The following OSBPL5 variants were observed in gnomAD, a reference collection of about 807,000 sequenced individuals.
OSBPL5 encodes the protein oxysterol binding protein like 5, also known as oxysterol-binding protein-related protein 5.
OSBPL5 carries 71 observed loss-of-function variants against 111.2 expected under a neutral mutation model. The ratio of observed to expected loss-of-function variants is 0.64; its 90% CI spans 0.53 to 0.78. The LOEUF (loss-of-function observed/expected upper bound fraction) is 0.78, where lower values mean the gene tolerates loss of function less well. Ranked by LOEUF, OSBPL5 falls within the 30% of genes least tolerant of loss-of-function variation. OSBPL5 has a pLI of 0.00. For missense variants in OSBPL5, 1,210 were observed against 1,189.3 expected, an observed-to-expected ratio of 1.02 and a Z score of -0.26; for synonymous variants, 549 against 513.9, an observed-to-expected ratio of 1.07 and a Z score of -0.93.
chr11:3,089,742 C>A (rs1856992415), intron 21 of OSBPL5, 104 bp downstream of exon 21: 2 of 1,068,070 alleles, frequency 1.9e-6, no homozygotes, highest in Non-Finnish European at 2.8e-6. Flanking sequence ...CCGATGACAA[C>A]CCCAGCCGCG....
chr11:3,120,055 G>A (rs1055003252), intron 6 of OSBPL5: 11 of 436,046 alleles, frequency 2.5e-5, no homozygotes, highest in African/African-American at 2.2e-4. Flanking sequence ...AGGTGTTCAG[G>A]GTTTCTCTGG....
In OSBPL5 at chr11:3,106,242, C is replaced by T. The variant is rs1000276490; in HGVS notation, c.1059+1021G>A. ...CCCTGTGCAGAGCAAGATGCGAACA[C>T]GACGCTGTCCAAACAACAGCAAGGA... On this transcript the variant is annotated intron_variant, in intron 9 of 21. Transcript: ENST00000263650. The surrounding 1 kb of genome is among the most constrained non-coding windows in gnomAD (Gnocchi z 8.4). Among the ~76,000 whole-genome samples the T allele has an allele frequency of 7.2e-5, 11 of 152,300 alleles. No individual in the cohort carries two copies. Among genetic ancestry groups the T allele is most frequent in the African/African-American group, 2.4e-4 (10 of 41,544 alleles).
intron 14 of OSBPL5, among the ~76,000 whole-genome samples, chr11:3,097,103 A>G (rs1185762100): frequency 5.3e-5 from 8 of 149,602 alleles, no homozygotes; most frequent in African/African-American, 7.4e-5. Context: ...GAGGGGGAAG[A>G]TGGGAGGAGG....
At chr11:3,094,445 C>T (rs904880915) in intron 14 of OSBPL5, 111 bp from the exon 15 acceptor site, 12 of 798,732 alleles carry the variant, frequency 1.5e-5, no homozygotes, top group South Asian at 1.2e-4. Context: ...CCAGCAGCAC[C>T]GATCCCTGGG....
Position 3,126,449 on chromosome 11 carries a change from A to T in OSBPL5, c.219+24T>A. ...CCCAGAGCCAGGCTCTGGCTCATGG[A>T]TCCTCCTATACCCAGGCTCTTACCG... On this transcript the variant is annotated intron_variant, in intron 3 of 21. Coordinates refer to ENST00000263650, the MANE Select transcript of OSBPL5 (RefSeq NM_020896.4). The surrounding 1 kb of genome is among the most constrained non-coding windows in gnomAD (Gnocchi z 6.5). 1.3e-6 allele frequency: 2 copies of T among 1,569,522 alleles called. No homozygotes were observed. Among genetic ancestry groups the T allele is most frequent in the Non-Finnish European group, 1.7e-6 (2 of 1,157,382 alleles).
chr11:3,160,647 C>G (rs1390275349), intron 1 of OSBPL5, among the ~76,000 whole-genome samples: 5 of 151,918 alleles, frequency 3.3e-5, no homozygotes, highest in Admixed American at 6.5e-5. Flanking sequence ...TGACCATCCC[C>G]AAAGTCCCCT....
In OSBPL5 at chr11:3,105,716, C is replaced by A. The variant is rs934579695; in HGVS notation, c.1060-1339G>T. On this transcript the variant is annotated intron_variant, in intron 9 of 21. Coordinates refer to ENST00000263650, the MANE Select transcript of OSBPL5 (RefSeq NM_020896.4). The surrounding 1 kb of genome is among the most constrained non-coding windows in gnomAD (Gnocchi z 5.2). ...ACCTCCCTGCCCCACCTCTGTGAAG[C>A]CTTATCTGTGCTCGGCCTCTGAAGG... Among the ~76,000 whole-genome samples, 2 of 152,170 alleles carry A rather than the reference C, an allele frequency of 1.3e-5. No homozygotes were observed. The highest frequency in any genetic ancestry group is 4.8e-5 in the African/African-American group (2 of 41,434).
Position 3,106,192 on chromosome 11 carries a change from C to T in OSBPL5, c.1059+1071G>A, listed in dbSNP as rs951347690. ...TGTTCCACTGAACACAAGGATTTCACGGACCACGGAGGAGCCCCCTCTGTC... is the reference window on the plus strand; with the variant it reads ...TGTTCCACTGAACACAAGGATTTCATGGACCACGGAGGAGCCCCCTCTGTC... On this transcript the variant is annotated intron_variant, in intron 9 of 21. Coordinates refer to ENST00000263650, the MANE Select transcript of OSBPL5 (RefSeq NM_020896.4). This position sits in a 1 kb window ranked among gnomAD's most constrained non-coding sequence, Gnocchi z 8.4. Among the ~76,000 whole-genome samples the T allele has an allele frequency of 5.3e-5, 8 of 152,132 alleles. No individual in the cohort carries two copies. The highest frequency in any genetic ancestry group is 1.3e-4 in the Admixed American group (2 of 15,286).
chr11:3,090,334 C>A (rs1290922494), intron 20 of OSBPL5, among the ~76,000 whole-genome samples: 1 of 152,222 alleles, frequency 6.6e-6, no homozygotes, highest in Admixed American at 6.5e-5. Context: ...GGCCCACTCC[C>A]TTTCTTCCCC....
In OSBPL5 at chr11:3,122,115, C is replaced by T. The variant is rs771789703; in HGVS notation, c.301-17G>A. ...CTTCTGCGCCTGGGCCCGGGGCACCCGCGGTGGGTCATGGGAGAAGGCACC... is the reference window on the plus strand; with the variant it reads ...CTTCTGCGCCTGGGCCCGGGGCACCTGCGGTGGGTCATGGGAGAAGGCACC... On this transcript the variant is annotated splice_polypyrimidine_tract_variant and intron_variant, in intron 4 of 21. Coordinates refer to ENST00000263650, the MANE Select transcript of OSBPL5 (RefSeq NM_020896.4). 6 of 1,547,410 alleles carry T rather than the reference C, an allele frequency of 3.9e-6. No individual in the cohort carries two copies. Among genetic ancestry groups the T allele is most frequent in the East Asian group, 2.4e-5 (1 of 41,848 alleles).
Position 3,111,057 on chromosome 11 carries a change from C to T in OSBPL5, c.692-3112G>A, listed in dbSNP as rs181980208. ...GATGCCCCTGACTTTTCACAAGTCT[C>T]CTATTGGTGCTTGGTACCAGCTTGA... On this transcript the variant is annotated intron_variant, in intron 7 of 21. Transcript: ENST00000263650. Among the ~76,000 whole-genome samples, 500 of 152,220 alleles carry T rather than the reference C, an allele frequency of 3.3e-3. 1 individual carries two copies. Among genetic ancestry groups the T allele is most frequent in the Middle Eastern group, 6.8e-3 (2 of 292 alleles).
chr11:3,130,662 C>T lies in OSBPL5; in HGVS notation c.-21-1493G>A, dbSNP rs1485867526. ...GGGCAGCTGGCTTCAGAGAGGCTGG[C>T]GTTTTGGCCCAGGTCACAGAGCTAA... On this transcript the variant is annotated intron_variant, in intron 1 of 21. Coordinates refer to ENST00000263650, the MANE Select transcript of OSBPL5 (RefSeq NM_020896.4). This position sits in a 1 kb window ranked among gnomAD's most constrained non-coding sequence, Gnocchi z 4.5. Among the ~76,000 whole-genome samples, 7 of 152,186 alleles carry T rather than the reference C, an allele frequency of 4.6e-5. No homozygotes were observed. The highest frequency in any genetic ancestry group is 1.9e-4 in the East Asian group (1 of 5,188).
At chr11:3,133,064 G>A (rs1211134661) in intron 1 of OSBPL5, among the ~76,000 whole-genome samples, 3 of 152,236 alleles carry the variant, frequency 2.0e-5, no homozygotes, top group Non-Finnish European at 4.4e-5. Context: ...TCAGAGAGGT[G>A]AGCAGGGTTA....
At chr11:3,101,184 A>G (rs985496856) in intron 13 of OSBPL5, among the ~76,000 whole-genome samples, 1 of 152,052 alleles carries the variant, frequency 6.6e-6, no homozygotes, top group African/African-American at 2.4e-5. Context: ...CATGTTGGAC[A>G]GTCTGGTCTC....
In OSBPL5 at chr11:3,113,405, T is replaced by C. The variant is rs1215147701; in HGVS notation, c.692-5460A>G. On this transcript the variant is annotated intron_variant, in intron 7 of 21. Coordinates refer to ENST00000263650, the MANE Select transcript of OSBPL5 (RefSeq NM_020896.4). This position sits in a 1 kb window ranked among gnomAD's most constrained non-coding sequence, Gnocchi z 4.8. ...GTAATCTTTAATAATGCCTGTAATCTCAGCACTTTGGGAGGCTGAGGTGGG... is the reference window on the plus strand; with the variant it reads ...GTAATCTTTAATAATGCCTGTAATCCCAGCACTTTGGGAGGCTGAGGTGGG... Among the ~76,000 whole-genome samples the C allele has an allele frequency of 1.3e-5, 2 of 152,094 alleles. No homozygotes were observed. The highest frequency in any genetic ancestry group is 3.9e-4 in the East Asian group (2 of 5,178).
intron 6 of OSBPL5, 102 bp from the exon 7 acceptor site, chr11:3,119,733 G>A: frequency 8.5e-7 from 1 of 1,173,896 alleles, no homozygotes; most frequent in Non-Finnish European, 1.2e-6. Flanking sequence ...GGACCACCTG[G>A]ACACCCCCAG....
At position 3,121,799 on chromosome 11, in the gene OSBPL5, C is replaced by T. The variant is rs1858425867; in HGVS notation, c.402+198G>A. On this transcript the variant is annotated intron_variant, in intron 5 of 21. Transcript: ENST00000263650. The surrounding 1 kb of genome is among the most constrained non-coding windows in gnomAD (Gnocchi z 4.3). ...AGTAAGGTGGCCCTAATTCCTACCA[C>T]TGGTGTCCTTATAAAAAGGGGGAGA... 1 of 601,118 alleles carries T rather than the reference C, an allele frequency of 1.7e-6. No individual in the cohort carries two copies. Among genetic ancestry groups the T allele is most frequent in the Non-Finnish European group, 3.0e-6 (1 of 337,118 alleles). The allele number at this position is 601,118 out of a possible 1,614,324, so 37.2% of individuals were successfully genotyped here. A position where few individuals can be genotyped will look rare whatever the true frequency, so the allele number is the denominator to read the frequency against.
chr11:3,104,561 C>T lies in OSBPL5; in HGVS notation c.1060-184G>A, dbSNP rs746638450. Among the ~76,000 whole-genome samples the T allele has an allele frequency of 1.1e-4, 17 of 152,194 alleles. No individual in the cohort carries two copies. The highest frequency in any genetic ancestry group is 3.6e-4 in the African/African-American group (15 of 41,434). ...CATCAGATGTGAACTCTTCCCAATG[C>T]GTCTCCACCCCACCCCTGGAGCACC... On this transcript the variant is annotated intron_variant, in intron 9 of 21. Transcript: ENST00000263650. This position sits in a 1 kb window ranked among gnomAD's most constrained non-coding sequence, Gnocchi z 5.0.
chr11:3,151,257 G>A (rs1374764055), intron 1 of OSBPL5, among the ~76,000 whole-genome samples: 1 of 152,158 alleles, frequency 6.6e-6, no homozygotes, highest in Non-Finnish European at 1.5e-5. Flanking sequence ...AGACTTCTGG[G>A]CTCCATCACT....
Sources: allele counts gnomAD v4.1 joint callset (sites outside exome capture counted in the v4.1 genomes callset), GRCh38; gene constraint gnomAD v4.1.1; non-coding constraint Gnocchi (gnomAD v3.1); transcripts MANE v1.5; gene names NCBI Gene and HGNC (gene_info 2026-07-23, HGNC 2026-07-21).